The following MYO5B variants were observed in gnomAD, a reference collection of about 807,000 sequenced individuals.
MYO5B encodes the protein unconventional myosin-Vb.
A neutral mutation model predicts 229.3 loss-of-function variants in MYO5B; 143 were observed. The observed-to-expected ratio is 0.62, with a 90% CI of 0.54 to 0.72. MYO5B has a LOEUF of 0.72. Among genes scored for constraint, MYO5B ranks in the 30% least tolerant of loss-of-function variants. The pLI is 0.00. For missense variants in MYO5B, 2,321 were observed against 2,331.0 expected, an observed-to-expected ratio of 1.00 and a Z score of 0.09; for synonymous variants, 918 against 885.2, an observed-to-expected ratio of 1.04 and a Z score of -0.66.
intron 17 of MYO5B, among the ~76,000 whole-genome samples, chr18:49,926,097 G>A (rs1383713520): frequency 2.6e-5 from 4 of 152,200 alleles, no homozygotes; most frequent in East Asian, 3.9e-4. Flanking sequence ...AGGGACAGAT[G>A]TGGTTGAAAA....
intron 8 of MYO5B, among the ~76,000 whole-genome samples, chr18:49,981,631 G>A (rs7242679): frequency 0.031 from 4,726 of 152,306 alleles, 228 homozygotes; most frequent in African/African-American, 0.11. Flanking sequence ...GTTCTTGCTT[G>A]TCATTAGATT....
chr18:49,918,157 C>T (rs969531881), intron 17 of MYO5B, among the ~76,000 whole-genome samples: 1 of 152,206 alleles, frequency 6.6e-6, no homozygotes, highest in Non-Finnish European at 1.5e-5. Flanking sequence ...CAGAGCCTAA[C>T]ACCGGGTTTA....
intron 4 of MYO5B, among the ~76,000 whole-genome samples, chr18:50,016,455 T>C (rs1018225520): frequency 3.3e-5 from 5 of 152,336 alleles, no homozygotes; most frequent in African/African-American, 9.6e-5. Context: ...AATGTGTATC[T>C]ATGAAATACA....
At chr18:49,886,518 A>G (rs908570270) in intron 22 of MYO5B, among the ~76,000 whole-genome samples, 7 of 152,180 alleles carry the variant, frequency 4.6e-5, no homozygotes, top group Non-Finnish European at 8.8e-5. Flanking sequence ...CTCGGTATGG[A>G]GAGTCAGGCA....
intron 2 of MYO5B, among the ~76,000 whole-genome samples, chr18:50,042,729 G>A (rs1288425707): frequency 2.6e-5 from 4 of 152,116 alleles, no homozygotes; most frequent in South Asian, 4.1e-4. Context: ...ACCACACCTC[G>A]GTGGAGATGT....
intron 10 of MYO5B, among the ~76,000 whole-genome samples, chr18:49,964,498 G>A (rs1404782715): frequency 1.3e-5 from 2 of 152,066 alleles, no homozygotes; most frequent in African/African-American, 4.8e-5. Context: ...TGCTCCATTC[G>A]GGTCAGCCTC....
At chr18:49,881,618 C>T (rs1420835716) in intron 22 of MYO5B, among the ~76,000 whole-genome samples, 13 of 151,812 alleles carry the variant, frequency 8.6e-5, no homozygotes, top group African/African-American at 2.7e-4. Context: ...CTGGCTAACA[C>T]GGTGAAATCC....
intron 5 of MYO5B, among the ~76,000 whole-genome samples, chr18:49,992,899 G>A (rs1055425651): frequency 6.6e-6 from 1 of 152,144 alleles, no homozygotes; most frequent in African/African-American, 2.4e-5. Context: ...AAACCTTCCT[G>A]TACTTAATAC....
At chr18:49,968,458 G>C (rs2144270699) in intron 10 of MYO5B, among the ~76,000 whole-genome samples, 1 of 152,300 alleles carries the variant, frequency 6.6e-6, no homozygotes, top group Middle Eastern at 3.4e-3. Context: ...CTATAACTAA[G>C]ATCTGAGTCT....
At chr18:49,860,569 A>C (rs2024317632) in intron 29 of MYO5B, among the ~76,000 whole-genome samples, 1 of 152,168 alleles carries the variant, frequency 6.6e-6, no homozygotes, top group Non-Finnish European at 1.5e-5. Context: ...AAACAAGGGA[A>C]AAGACACAGT....
At chr18:50,084,250 T>G (rs780914082) in intron 1 of MYO5B, among the ~76,000 whole-genome samples, 4 of 152,302 alleles carry the variant, frequency 2.6e-5, no homozygotes, top group South Asian at 2.1e-4. Flanking sequence ...TCATTCGTCC[T>G]CCCTTAGCTT....
chr18:49,870,790 ATAC>A (rs955608105), intron 27 of MYO5B, among the ~76,000 whole-genome samples: 2 of 152,190 alleles, frequency 1.3e-5, no homozygotes, highest in Non-Finnish European at 2.9e-5. Context: ...AGAAAAGAAA[ATAC>A]TACGTGTTGG....
At position 50,091,130 on chromosome 18, in the gene MYO5B, G is replaced by A. The variant is rs187395763; in HGVS notation, c.28-35752C>T. ...AGGGAAGGGCAACAGCCCCACCTGTGCATATAGATGCATTGCAGCCACTTG... is the reference window on the plus strand; with the variant it reads ...AGGGAAGGGCAACAGCCCCACCTGTACATATAGATGCATTGCAGCCACTTG... On this transcript the variant is annotated intron_variant, in intron 1 of 39. Transcript: ENST00000285039. 2.2e-3 allele frequency among the ~76,000 whole-genome samples: 329 copies of A among 152,308 alleles called. 1 individual carries two copies. The highest frequency in any genetic ancestry group is 7.5e-3 in the African/African-American group (313 of 41,564).
At chr18:50,184,859 T>G (rs1221290155) in intron 1 of MYO5B, among the ~76,000 whole-genome samples, 3 of 147,984 alleles carry the variant, frequency 2.0e-5, no homozygotes, top group African/African-American at 7.6e-5. Context: ...AGCAACATGG[T>G]GAGACCCTAT....
chr18:49,880,283 A>G, intron 23 of MYO5B, 88 bp downstream of exon 23: 1 of 1,117,750 alleles, frequency 8.9e-7, no homozygotes, highest in East Asian at 2.4e-5. Flanking sequence ...CTCTAGTCTA[A>G]CTGCATGCTT....
chr18:49,827,385 G>T (rs2023860064), intron 39 of MYO5B, among the ~76,000 whole-genome samples: 1 of 152,312 alleles, frequency 6.6e-6, no homozygotes, highest in Non-Finnish European at 1.5e-5. Context: ...TGATCTGGTG[G>T]GTCCCAGCAG....
chr18:49,936,493 G>T, intron 15 of MYO5B, 144 bp from the exon 16 acceptor site: 2 of 727,500 alleles, frequency 2.7e-6, no homozygotes, highest in South Asian at 3.0e-5. Flanking sequence ...GAGACCTGGG[G>T]TAAGATTCCA....
intron 17 of MYO5B, among the ~76,000 whole-genome samples, chr18:49,915,870 G>A (rs751227367): frequency 2.0e-4 from 30 of 152,044 alleles, no homozygotes; most frequent in Non-Finnish European, 3.4e-4. Flanking sequence ...TTCCTGTCTC[G>A]GCCCCCAAGT....
chr18:49,976,108 C>T (rs1167563533), intron 9 of MYO5B, among the ~76,000 whole-genome samples: 1 of 152,214 alleles, frequency 6.6e-6, no homozygotes, highest in African/African-American at 2.4e-5. Context: ...CAGGCTCAAG[C>T]CTGCTGGAAA....
Sources: allele counts gnomAD v4.1 joint callset (sites outside exome capture counted in the v4.1 genomes callset), GRCh38; gene constraint gnomAD v4.1.1; transcripts MANE v1.5; gene names NCBI Gene and HGNC (gene_info 2026-07-23, HGNC 2026-07-21).